ANKRD62: variants seen among roughly 807,000 people sequenced by gnomAD.
ANKRD62 encodes ankyrin repeat domain 62, also known as ankyrin repeat domain-containing protein 62.
ANKRD62 carries 61 observed loss-of-function variants against 98.8 expected under a neutral mutation model. The ratio of observed to expected loss-of-function variants is 0.62; its 90% CI spans 0.50 to 0.76. The LOEUF is 0.76. Ranked by LOEUF, ANKRD62 falls within the 30% of genes least tolerant of loss-of-function variation. ANKRD62 has a pLI of 0.00. For missense variants in ANKRD62, 933 were observed against 1,082.9 expected, an observed-to-expected ratio of 0.86 and a Z score of 1.94; for synonymous variants, 341 against 367.9, an observed-to-expected ratio of 0.93 and a Z score of 0.84.
chr18:12,134,713 T>G (rs1189485636), downstream of ANKRD62, among the ~76,000 whole-genome samples: 1 of 152,208 alleles, frequency 6.6e-6, no homozygotes, highest in Non-Finnish European at 1.5e-5. Flanking sequence ...CTCATCCTTT[T>G]TTATGGCTGC....
At chr18:12,166,202 ATAT>A in the ANKRD62 span, among the ~76,000 whole-genome samples, 1 of 151,982 alleles carries the variant, frequency 6.6e-6, no homozygotes, top group African/African-American at 2.4e-5. Flanking sequence ...AAGTTCTCAG[ATAT>A]TATTCTTTTG....
the ANKRD62 span, among the ~76,000 whole-genome samples, chr18:12,172,600 C>T: frequency 6.6e-6 from 1 of 152,210 alleles, no homozygotes; most frequent in African/African-American, 2.4e-5. Flanking sequence ...GGCAGTCTGT[C>T]CGTTCTCAGA....
At chr18:12,150,087 GA>G in the ANKRD62 span, among the ~76,000 whole-genome samples, 60 of 150,666 alleles carry the variant, frequency 4.0e-4, no homozygotes, top group South Asian at 3.6e-3. Flanking sequence ...GCCACCATAG[GA>G]AAAAAAAACA....
chr18:12,152,162 C>G, the ANKRD62 span, among the ~76,000 whole-genome samples: 1 of 106,076 alleles, frequency 9.4e-6, no homozygotes, highest in African/African-American at 3.6e-5. Flanking sequence ...GATACCATTT[C>G]TGCTGAAATG....
chr18:12,115,291 T>G, intron 9 of ANKRD62, 102 bp from the exon 10 acceptor site: 1 of 1,316,620 alleles, frequency 7.6e-7, no homozygotes, highest in South Asian at 1.7e-5. Flanking sequence ...AGTACCTGTG[T>G]TTTTGCTCAT....
At chr18:12,169,069 T>C in the ANKRD62 span, among the ~76,000 whole-genome samples, 1 of 152,210 alleles carries the variant, frequency 6.6e-6, no homozygotes, top group Non-Finnish European at 1.5e-5. Flanking sequence ...TACGATCATG[T>C]CATCTGCAAA....
At chr18:12,137,024 T>C in the ANKRD62 span, among the ~76,000 whole-genome samples, 2 of 152,296 alleles carry the variant, frequency 1.3e-5, no homozygotes, top group Admixed American at 6.5e-5. Flanking sequence ...TCTTTCCTAA[T>C]TGAATGCCCT....
At chr18:12,099,996 G>A (rs1909264624) in intron 6 of ANKRD62, among the ~76,000 whole-genome samples, 1 of 152,202 alleles carries the variant, frequency 6.6e-6, no homozygotes, top group South Asian at 2.1e-4. Context: ...GTCACCTTAT[G>A]ATGAATTGGA....
chr18:12,153,264 T>G, the ANKRD62 span, among the ~76,000 whole-genome samples: 1 of 152,116 alleles, frequency 6.6e-6, no homozygotes, highest in Non-Finnish European at 1.5e-5. Flanking sequence ...CAATGCTATT[T>G]ATATTTAACT....
chr18:12,127,600 T>A (rs933759238), intron 13 of ANKRD62, 148 bp from the exon 14 acceptor site: 1 of 520,940 alleles, frequency 1.9e-6, no homozygotes, highest in African/African-American at 2.0e-5. Flanking sequence ...GATTCAGTAA[T>A]AAACAGGAAT....
the ANKRD62 span, among the ~76,000 whole-genome samples, chr18:12,172,619 G>C: frequency 6.6e-6 from 1 of 152,188 alleles, no homozygotes; most frequent in Non-Finnish European, 1.5e-5. Context: ...GATCCGTGCT[G>C]GGAGAACCAC....
the ANKRD62 span, among the ~76,000 whole-genome samples, chr18:12,146,239 CTTCCACT>C: frequency 6.6e-6 from 1 of 152,236 alleles, no homozygotes; most frequent in Non-Finnish European, 1.5e-5. Context: ...TCTCCAGCCA[CTTCCACT>C]GGTATTCCTT....
downstream of ANKRD62, among the ~76,000 whole-genome samples, chr18:12,130,432 T>C (rs116342543): frequency 0.02 from 3,015 of 152,236 alleles, 98 homozygotes; most frequent in African/African-American, 0.067. Flanking sequence ...TTTGGTAAGT[T>C]CAAGTTCAAT....
At chr18:12,137,069 A>C in the ANKRD62 span, among the ~76,000 whole-genome samples, 2 of 152,144 alleles carry the variant, frequency 1.3e-5, no homozygotes, top group African/African-American at 4.8e-5. Context: ...CCCTGGCCAG[A>C]ACTTCCAACA....
chr18:12,133,600 T>C (rs890535757), downstream of ANKRD62, among the ~76,000 whole-genome samples: 5 of 152,192 alleles, frequency 3.3e-5, no homozygotes, highest in East Asian at 1.9e-4. Context: ...TGGTACCTCA[T>C]TGTGGTTTTG....
At chr18:12,109,249 G>C (rs1427410817) in intron 8 of ANKRD62, among the ~76,000 whole-genome samples, 1 of 152,198 alleles carries the variant, frequency 6.6e-6, no homozygotes, top group Admixed American at 6.5e-5. Flanking sequence ...TACATCCTCT[G>C]AAATCTAGGC....
the ANKRD62 span, among the ~76,000 whole-genome samples, chr18:12,173,072 C>G: frequency 6.6e-6 from 1 of 152,148 alleles, no homozygotes; most frequent in Admixed American, 6.5e-5. Flanking sequence ...ACCCAATGCC[C>G]CACCCTGCTT....
At chr18:12,124,930 G>T (rs368320324) in intron 12 of ANKRD62, among the ~76,000 whole-genome samples, 3 of 152,114 alleles carry the variant, frequency 2.0e-5, no homozygotes, top group Admixed American at 1.3e-4. Flanking sequence ...GCCTAGATCT[G>T]TCATTTATCA....
At chr18:12,168,555 A>C in the ANKRD62 span, among the ~76,000 whole-genome samples, 1 of 152,162 alleles carries the variant, frequency 6.6e-6, no homozygotes, top group Admixed American at 6.5e-5. Context: ...GTATAGTTTG[A>C]AGTCAGGTAG....
Sources: gnomAD v4.1 joint callset for allele counts (sites outside exome capture counted in the v4.1 genomes callset) on GRCh38, gnomAD v4.1.1 for gene constraint, MANE v1.5 for transcripts, NCBI Gene and HGNC (gene_info 2026-07-23, HGNC 2026-07-21) for gene names.